Variants in BBS9 observed in about 807,000 individuals in gnomAD.
The protein encoded by BBS9 is Bardet-Biedl syndrome 9, also known as protein PTHB1.
Under a neutral mutation model 117.7 loss-of-function variants are expected in BBS9, and 89 were observed. The ratio of observed to expected loss-of-function variants is 0.76; its 90% CI spans 0.64 to 0.90. The LOEUF is 0.90. Ranked by LOEUF, BBS9 falls within the 40% of genes least tolerant of loss-of-function variation. The pLI is 0.00. For missense variants in BBS9, 982 were observed against 1,042.2 expected (o/e 0.94, Z 0.80); for synonymous variants, 379 against 370.9 (o/e 1.02, Z -0.25).
intron 19 of BBS9, among the ~76,000 whole-genome samples, chr7:33,492,219 A>G (rs1322989726): frequency 6.8e-6 from 1 of 146,174 alleles, no homozygotes; most frequent in Non-Finnish European, 1.5e-5. Context: ...AAAAACAAAA[A>G]AAAAACAAAA....
chr7:33,164,256 T>A (rs554048684), intron 4 of BBS9, among the ~76,000 whole-genome samples: 1 of 152,332 alleles, frequency 6.6e-6, no homozygotes, highest in South Asian at 2.1e-4. Flanking sequence ...TCCAATCATG[T>A]GGTCAATTTT....
intron 20 of BBS9, among the ~76,000 whole-genome samples, chr7:33,520,593 CA>C (rs1307239576): frequency 6.6e-6 from 1 of 152,156 alleles, no homozygotes; most frequent in Non-Finnish European, 1.5e-5. Context: ...TAAATTTTCT[CA>C]GAGACATAAA....
intron 16 of BBS9, among the ~76,000 whole-genome samples, chr7:33,360,517 T>A (rs1034243753): frequency 6.7e-5 from 7 of 104,062 alleles, no homozygotes; most frequent in African/African-American, 2.5e-4. Flanking sequence ...AATTAAGCAA[T>A]AAATACCTTT....
At chr7:33,582,765 G>T (rs1019352071) in intron 21 of BBS9, among the ~76,000 whole-genome samples, 1 of 151,946 alleles carries the variant, frequency 6.6e-6, no homozygotes, top group Non-Finnish European at 1.5e-5. Flanking sequence ...TGAGGATTTG[G>T]GTGATGAAAG....
chr7:33,246,139 A>G (rs1795294783), intron 5 of BBS9, among the ~76,000 whole-genome samples: 1 of 152,210 alleles, frequency 6.6e-6, no homozygotes, highest in Admixed American at 6.5e-5. Context: ...TTAAGAGATC[A>G]AACAATGGCT....
At chr7:33,602,183 G>C (rs1440785790) in intron 21 of BBS9, among the ~76,000 whole-genome samples, 1 of 146,828 alleles carries the variant, frequency 6.8e-6, no homozygotes, top group African/African-American at 2.7e-5. Flanking sequence ...CAAGAGCCAT[G>C]AAGAGGCTGA....
In BBS9 at chr7:33,602,467, G is replaced by A. The variant is rs566513260; in HGVS notation, c.2522-2398G>A. ...GGTGGTACCAGGCAGGGTGGCTCAC[G>A]CCTGTAATCCCAGCACTTTGGGAGG... On this transcript the variant is annotated intron_variant, in intron 21 of 22. Transcript: ENST00000242067. Among the ~76,000 whole-genome samples, 296 of 152,254 alleles carry A rather than the reference G, an allele frequency of 1.9e-3. 1 individual carries two copies. The highest frequency in any genetic ancestry group is 3.7e-3 in the Non-Finnish European group (249 of 68,018).
At chr7:33,371,040 G>C (rs1822765218) in intron 17 of BBS9, among the ~76,000 whole-genome samples, 1 of 152,184 alleles carries the variant, frequency 6.6e-6, no homozygotes, top group Non-Finnish European at 1.5e-5. Flanking sequence ...AAAGGTGCTA[G>C]TCACCTAAAA....
chr7:33,177,745 T>C (rs562678514), intron 5 of BBS9, 154 bp downstream of exon 5: 35 of 659,750 alleles, frequency 5.3e-5, no homozygotes, highest in Non-Finnish European at 9.3e-5. Flanking sequence ...AGCAAGTCTA[T>C]GGCCATACCA....
At chr7:33,509,898 C>T (rs2129022470) in intron 20 of BBS9, among the ~76,000 whole-genome samples, 2 of 152,294 alleles carry the variant, frequency 1.3e-5, no homozygotes, top group East Asian at 3.9e-4. Context: ...CAGAATTAAT[C>T]GTTGTCTGTG....
intron 4 of BBS9, among the ~76,000 whole-genome samples, chr7:33,177,253 G>C (rs991174957): frequency 6.6e-6 from 1 of 152,076 alleles, no homozygotes; most frequent in African/African-American, 2.4e-5. Flanking sequence ...AGTGTCCCCA[G>C]GGTAATATTT....
intron 9 of BBS9, among the ~76,000 whole-genome samples, chr7:33,276,601 A>G (rs1800818662): frequency 6.6e-6 from 1 of 152,212 alleles, no homozygotes; most frequent in African/African-American, 2.4e-5. Context: ...GATACCCTAC[A>G]CAATGCAAAG....
intron 4 of BBS9, among the ~76,000 whole-genome samples, chr7:33,164,996 C>T (rs977905010): frequency 7.9e-5 from 12 of 152,046 alleles, no homozygotes; most frequent in African/African-American, 2.9e-4. Flanking sequence ...TTAGTGCTTC[C>T]TTGAGGAGCT....
intron 21 of BBS9, among the ~76,000 whole-genome samples, chr7:33,568,313 C>T (rs1191438691): frequency 1.3e-5 from 2 of 152,128 alleles, no homozygotes; most frequent in African/African-American, 4.8e-5. Flanking sequence ...CTTAATTTCT[C>T]AGCATGCATG....
At chr7:33,386,504 ATTTT>A (rs1365015730) in intron 18 of BBS9, among the ~76,000 whole-genome samples, 12 of 100,392 alleles carry the variant, frequency 1.2e-4, no homozygotes, top group South Asian at 2.9e-4. Flanking sequence ...TTATTTATTT[ATTTT>A]GAGACGGGGT....
chr7:33,400,405 T>C (rs889447810), intron 19 of BBS9, among the ~76,000 whole-genome samples: 1 of 152,184 alleles, frequency 6.6e-6, no homozygotes, highest in Non-Finnish European at 1.5e-5. Flanking sequence ...AGGATTTCTT[T>C]CATTTCTGTT....
intron 17 of BBS9, chr7:33,380,768 C>G (rs1824855900): frequency 6.5e-6 from 1 of 152,844 alleles, no homozygotes; most frequent in Non-Finnish European, 1.5e-5. Flanking sequence ...ACTTTTTCAT[C>G]TATATCTGCT....
At chr7:33,468,517 C>T (rs1037279273) in intron 19 of BBS9, among the ~76,000 whole-genome samples, 1 of 152,134 alleles carries the variant, frequency 6.6e-6, no homozygotes, top group African/African-American at 2.4e-5. Flanking sequence ...TTTATCATTT[C>T]TTTGTGTTGA....
chr7:33,395,111 G>A (rs1174250815), intron 19 of BBS9, among the ~76,000 whole-genome samples: 1 of 152,160 alleles, frequency 6.6e-6, no homozygotes, highest in Non-Finnish European at 1.5e-5. Flanking sequence ...TTCATGCTAC[G>A]TATATGTATA....
Sources: gnomAD v4.1 joint callset for allele counts (sites outside exome capture counted in the v4.1 genomes callset) on GRCh38, gnomAD v4.1.1 for gene constraint, MANE v1.5 for transcripts, NCBI Gene and HGNC (gene_info 2026-07-23, HGNC 2026-07-21) for gene names.